The following AGBL5 variants were observed in gnomAD, a reference collection of about 807,000 sequenced individuals.
AGBL5 encodes the protein AGBL carboxypeptidase 5.
A neutral mutation model predicts 88.0 loss-of-function variants in AGBL5; 51 were observed. The observed-to-expected ratio is 0.58, with a 90% CI of 0.46 to 0.73. AGBL5 has a LOEUF of 0.73. Ranked by LOEUF, AGBL5 falls within the 30% of genes least tolerant of loss-of-function variation. The pLI is 0.00. For synonymous variants in AGBL5, 446 were observed against 438.8 expected, an observed-to-expected ratio of 1.02 and a Z score of -0.21; for missense variants, 1,031 against 1,162.2, an observed-to-expected ratio of 0.89 and a Z score of 1.64.
At chr2:27,069,763 A>G in intron 14 of AGBL5, 57 bp downstream of exon 14, 1 of 1,556,486 alleles carries the variant, frequency 6.4e-7, no homozygotes, top group East Asian at 2.3e-5. Context: ...CCTCATTCCC[A>G]TTTCTGTCAT....
chr2:27,057,328 A>G lies in AGBL5; in HGVS notation c.1561A>G (p.Thr521Ala), dbSNP rs1668487191. Residue 521 changes from threonine (T) to alanine (A), a missense_variant, in exon 9 of 15, where the codon ACT (threonine) becomes GCT (alanine). Physicochemically the swap from Thr to Ala is moderately conservative, Grantham distance 58 (BLOSUM62 0). This residue lies in a region of AGBL5 where 491 missense variants were observed against 484.0 expected (regional missense o/e 1.01). Coordinates refer to ENST00000360131, the MANE Select transcript of AGBL5 (RefSeq NM_021831.6). ...CTACACACTTGAATGCAACTACAAC[A>G]CTGGACGCTCAGTAAACAGCATCCC... Reference protein sequence around the residue: ...HSYTLECNYNTGRSVNSIPAA... With the variant: ...HSYTLECNYNAGRSVNSIPAA... 4 of 1,613,900 alleles carry G rather than the reference A, an allele frequency of 2.5e-6. No individual in the cohort carries two copies. The highest frequency in any genetic ancestry group is 3.4e-6 in the Non-Finnish European group (4 of 1,179,906).
chr2:27,054,634 C>A lies in AGBL5; in HGVS notation c.556C>A (p.Leu186Met). The change falls in exon 5 of 15, where the codon CTG (leucine) becomes ATG (methionine). Residue 186 changes from leucine to methionine, a missense_variant. Leu to Met is a conservative substitution (Grantham distance 15, BLOSUM62 2). Around this residue, in one of 2 missense-constraint regions of AGBL5, gnomAD observed 540 missense variants for 678.2 expected, o/e 0.80. Coordinates refer to ENST00000360131, the MANE Select transcript of AGBL5 (RefSeq NM_021831.6). ...PENHPTHSSP[L>M]DTIYYHRELL... ...TTAATTTTTTTTTCCCTGTAGCCCC[C>A]TGGATACCATCTATTACCATCGGGA... is the stretch of plus-strand genomic sequence containing the variant. The A allele has an allele frequency of 6.2e-7, 1 of 1,613,374 alleles. No individual in the cohort carries two copies. The highest frequency in any genetic ancestry group is 2.2e-5 in the East Asian group (1 of 44,892).
rs983705101 is a variant in AGBL5, at chr2:27,053,132, C to A, written c.174C>A (p.Thr58=). 1.2e-6 allele frequency: 2 copies of A among 1,609,646 alleles called. No homozygotes were observed. The highest frequency in any genetic ancestry group is 2.7e-5 in the African/African-American group (2 of 74,942). ...CTGACTATGAATTCAACGTGTGGACCCGACCAGACTGTGCTGAAACGGAAT... is the reference window on the plus strand; with the variant it reads ...CTGACTATGAATTCAACGTGTGGACACGACCAGACTGTGCTGAAACGGAAT... The part of the protein sequence containing the change: ...SSPDYEFNVW[T]RPDCAETEFE... Residue 58 remains threonine (T), a synonymous_variant, in exon 2 of 15, where the codon ACC becomes ACA. Transcript: ENST00000360131. The surrounding 1 kb of genome is among the most constrained non-coding windows in gnomAD (Gnocchi z 4.9).
chr2:27,067,812 TG>T, intron 12 of AGBL5, 166 bp downstream of exon 12: 1 of 780,132 alleles, frequency 1.3e-6, no homozygotes, highest in Admixed American at 2.0e-5. Flanking sequence ...TTAATGTGTC[TG>T]TGTAATAAAA....
In AGBL5 at chr2:27,067,720, T is replaced by A. The variant is rs753946915; in HGVS notation, c.2242+74T>A. The A allele has an allele frequency of 3.8e-6, 6 of 1,560,290 alleles. No individual in the cohort carries two copies. The East Asian group carries it at 9.0e-5, about 23-fold the overall frequency. On this transcript the variant is annotated intron_variant, in intron 12 of 14. Coordinates refer to ENST00000360131, the MANE Select transcript of AGBL5 (RefSeq NM_021831.6). ...GCCAGGCCAGGTTCTTTAAGCCTAG[T>A]TGGGAGACCAGGGGCATCACTTATC...
At position 27,070,327 on chromosome 2, in the gene AGBL5, A is replaced by G; in HGVS notation, c.*64A>G. On this transcript the variant is annotated 3_prime_UTR_variant, in exon 15 of 15. Coordinates refer to ENST00000360131, the MANE Select transcript of AGBL5 (RefSeq NM_021831.6). ...ATGGGGTAACAGTGGGAAATATGCT[A>G]GTTCCCCTCCAGGCCGCTGATTCCA... 1.3e-6 allele frequency: 2 copies of G among 1,542,816 alleles called. No homozygotes were observed. Among genetic ancestry groups the G allele is most frequent in the Non-Finnish European group, 1.8e-6 (2 of 1,119,078 alleles).
intron 13 of AGBL5, chr2:27,068,972 GA>G (rs1669133543): frequency 1.3e-6 from 2 of 1,484,112 alleles, no homozygotes; most frequent in Non-Finnish European, 1.8e-6. Context: ...GTCCCTGCCA[GA>G]TATACCCCAA....
chr2:27,051,230 T>A (rs1175427885), upstream of AGBL5, among the ~76,000 whole-genome samples: 1 of 152,288 alleles, frequency 6.6e-6, no homozygotes, highest in South Asian at 2.1e-4. Context: ...TTAGCTCAAA[T>A]GGTAGAGCGC....
At chr2:27,050,903 C>G (rs1022817131), upstream of AGBL5, 1 of 152,162 alleles carries the variant, frequency 6.6e-6, no homozygotes, top group Non-Finnish European at 1.5e-5. Context: ...CAATTTAATT[C>G]AATTATCCCA....
intron 11 of AGBL5, among the ~76,000 whole-genome samples, chr2:27,065,671 C>T (rs566128782): frequency 2.0e-5 from 3 of 152,048 alleles, no homozygotes; most frequent in Non-Finnish European, 2.9e-5. Context: ...AAACCATGAA[C>T]TACTAGCCAC....
intron 11 of AGBL5, among the ~76,000 whole-genome samples, chr2:27,064,288 GTTGT>G (rs1193816522): frequency 1.9e-4 from 28 of 149,714 alleles, no homozygotes; most frequent in South Asian, 2.1e-4. Flanking sequence ...CTAACATCTG[GTTGT>G]TTTTGACTTT....
intron 6 of AGBL5, 133 bp downstream of exon 6, chr2:27,055,386 A>G (rs1668377107): frequency 8.0e-7 from 1 of 1,249,118 alleles, no homozygotes; most frequent in South Asian, 1.4e-5. Flanking sequence ...AGCCCATCTC[A>G]TCTTCCTGAG....
rs774416807 is a variant in AGBL5 at position 27,057,455 on chromosome 2, T to TAAGTGGAAA, written c.1671+23_1671+24insAAAAAGTGG. Reference sequence around the variant, plus strand: ...TTTGAGCAGGTATGAATACATGGTGTAAGTGGGAAAAGGGAGAAACCTTAC... The same window carrying TAAGTGGAAA: ...TTTGAGCAGGTATGAATACATGGTGTAAGTGGAAAAAGTGGGAAAAGGGAGAAACCTTAC... On this transcript the variant is annotated intron_variant, in intron 9 of 14. Transcript: ENST00000360131. 1.6e-5 allele frequency: 26 copies of TAAGTGGAAA among 1,583,688 alleles called. No individual in the cohort carries two copies. Among genetic ancestry groups the TAAGTGGAAA allele is most frequent in the Non-Finnish European group, 2.2e-5 (26 of 1,160,980 alleles).
In AGBL5 at chr2:27,069,679, A is replaced by T; in HGVS notation, c.2462A>T (p.Glu821Val). 6.2e-7 allele frequency: 1 copy of T among 1,614,132 alleles called. No individual in the cohort carries two copies. Among genetic ancestry groups the T allele is most frequent in the South Asian group, 1.1e-5 (1 of 91,088 alleles). Residue 821 changes from glutamate to valine, a missense_variant, in exon 14 of 15, where the codon GAG becomes GTG. Transcript: ENST00000360131. ...CGGACCAGGGAGAGCAGTGAGCTGG[A>T]GCTGGGATCCTGCTCTGCTACACCA... Reference protein sequence around the residue: ...TPRTRESSELELGSCSATPGL... With the variant: ...TPRTRESSELVLGSCSATPGL...
At position 27,053,710 on chromosome 2, in the gene AGBL5, G is replaced by A. The variant is rs1668290850; in HGVS notation, c.387+137G>A. ...AGTATCAGCTTTTTCTCCAGTGTTA[G>A]CTAGAGTCCAAGATGAGCCCCTGCC... On this transcript the variant is annotated intron_variant, in intron 3 of 14. Coordinates refer to ENST00000360131, the MANE Select transcript of AGBL5 (RefSeq NM_021831.6). This position sits in a 1 kb window ranked among gnomAD's most constrained non-coding sequence, Gnocchi z 4.9. The A allele has an allele frequency of 5.1e-6, 7 of 1,375,400 alleles. No homozygotes were observed. Among genetic ancestry groups the A allele is most frequent in the Non-Finnish European group, 6.8e-6 (7 of 1,027,262 alleles). The allele number at this position is 1,375,400 out of a possible 1,614,324, so 85.2% of individuals were successfully genotyped here.
intron 13 of AGBL5, chr2:27,069,213 C>T (rs1364480276): frequency 3.0e-6 from 4 of 1,351,728 alleles, no homozygotes; most frequent in African/African-American, 1.5e-5. Flanking sequence ...GTGAAGTGTA[C>T]ACTGCTCTGG....
chr2:27,056,051 C>T lies in AGBL5; in HGVS notation c.1278C>T (p.Gly426=), dbSNP rs1025088650. ...APDTIPPKES[G]VAYYVDLHGH... is the part of the protein sequence containing the mutation. ...ATACCATCCCCCCCAAAGAGAGTGG[C>T]GTTGCTTACTATGTGGACCTGCATG... The change falls in exon 7 of 15, where the codon GGC becomes GGT. Residue 426 remains glycine (G), a synonymous_variant. Transcript: ENST00000360131. The T allele has an allele frequency of 5.0e-6, 8 of 1,614,028 alleles. No homozygotes were observed. The highest frequency in any genetic ancestry group is 2.2e-5 in the East Asian group (1 of 44,900).
chr2:27,070,382 A>C lies in AGBL5; in HGVS notation c.*119A>C, dbSNP rs1173910788. 1.0e-5 allele frequency: 11 copies of C among 1,063,360 alleles called. No homozygotes were observed. The highest frequency in any genetic ancestry group is 1.5e-5 in the Non-Finnish European group (11 of 712,456). 65.9% of individuals were successfully genotyped at this position (1,063,360 alleles called of 1,614,324 possible). A position where few individuals can be genotyped will look rare whatever the true frequency, so the allele number is the denominator to read the frequency against. On this transcript the variant is annotated 3_prime_UTR_variant, in exon 15 of 15. Coordinates refer to ENST00000360131, the MANE Select transcript of AGBL5 (RefSeq NM_021831.6). ...ACAGCCGTTAAGTCCTTGGAATGCC[A>C]GCCACGCTGTCCAAGGCATTACAGA...
chr2:27,059,277 C>T lies in AGBL5; in HGVS notation c.1962C>T (p.Ser654=), dbSNP rs1448638166. Reference sequence around the variant, plus strand: ...CAAGTGCCGGTGGTAGCAGCAGCAGCCAACAAAATTCTCCACAGATGAAGA... The same window carrying T: ...CAAGTGCCGGTGGTAGCAGCAGCAGTCAACAAAATTCTCCACAGATGAAGA... The part of the protein sequence containing the change: ...TGTSAGGSSS[S]QQNSPQMKNS... The change falls in exon 11 of 15, where the codon AGC becomes AGT. Residue 654 remains serine, a synonymous_variant. Coordinates refer to ENST00000360131, the MANE Select transcript of AGBL5 (RefSeq NM_021831.6). 1 of 1,614,210 alleles carries T rather than the reference C, an allele frequency of 6.2e-7. No individual in the cohort carries two copies. Among genetic ancestry groups the T allele is most frequent in the Non-Finnish European group, 8.5e-7 (1 of 1,180,032 alleles).
Sources: allele counts gnomAD v4.1 joint callset (sites outside exome capture counted in the v4.1 genomes callset), GRCh38; gene constraint gnomAD v4.1.1; regional missense constraint gnomAD v4.1.1; non-coding constraint Gnocchi (gnomAD v3.1); transcripts MANE v1.5; gene names NCBI Gene and HGNC (gene_info 2026-07-23, HGNC 2026-07-21).